LDLRAD4: variants seen among roughly 807,000 people sequenced by gnomAD.
LDLRAD4 encodes the protein low-density lipoprotein receptor class A domain-containing protein 4.
LDLRAD4 carries 5 observed loss-of-function variants against 17.0 expected under a neutral mutation model. The observed-to-expected ratio is 0.29, with a 90% CI of 0.15 to 0.62. The LOEUF (loss-of-function observed/expected upper bound fraction) is 0.62, where lower values mean the gene tolerates loss of function less well. LDLRAD4 is among the 20% of genes least tolerant of loss of function. The pLI is 0.84. For synonymous variants in LDLRAD4, 168 were observed against 171.8 expected, an observed-to-expected ratio of 0.98 and a Z score of 0.17; for missense variants, 340 against 424.7, an observed-to-expected ratio of 0.80 and a Z score of 1.75.
chr18:13,465,389 C>A (rs2092581369), intron 3 of LDLRAD4, among the ~76,000 whole-genome samples: 1 of 152,126 alleles, frequency 6.6e-6, no homozygotes, highest in Non-Finnish European at 1.5e-5. Flanking sequence ...TTTATAACTT[C>A]TTAAAGGCTC....
chr18:13,512,322 G>T (rs1187728057), intron 3 of LDLRAD4, among the ~76,000 whole-genome samples: 1 of 152,134 alleles, frequency 6.6e-6, no homozygotes, highest in Non-Finnish European at 1.5e-5. Flanking sequence ...CATAACTATA[G>T]CCACTCAGTC....
intron 1 of LDLRAD4, among the ~76,000 whole-genome samples, chr18:13,310,183 CAAA>C (rs5823247): frequency 0.2 from 27,148 of 139,130 alleles, 3,120 homozygotes; most frequent in South Asian, 0.3. Context: ...CTGTCTCTAC[CAAA>C]AAAAAAAAAA....
In LDLRAD4 at chr18:13,640,292, C is replaced by CAA. The variant is rs55794457; in HGVS notation, c.337-3050_337-3049dup. Among the ~76,000 whole-genome samples, 12 of 98,444 alleles carry CAA rather than the reference C, an allele frequency of 1.2e-4. 3 individuals carry two copies. Among genetic ancestry groups the CAA allele is most frequent in the Admixed American group, 2.5e-4 (2 of 7,922 alleles). 64.6% of individuals were successfully genotyped at this position (98,444 alleles called of 152,430 possible). On this transcript the variant is annotated intron_variant, in intron 4 of 5. Coordinates refer to ENST00000359446, the Ensembl canonical transcript of LDLRAD4. ...TGGGCAACAGAGCGAGATTCCATCT[C>CAA]AAAAAAAAAAAAAAAAAATGAAATC...
intron 3 of LDLRAD4, among the ~76,000 whole-genome samples, chr18:13,603,935 C>T (rs1453124992): frequency 6.6e-6 from 1 of 152,244 alleles, no homozygotes; most frequent in African/African-American, 2.4e-5. Context: ...AGCCCTGGAG[C>T]TGACATCAAA....
chr18:13,228,545 C>G (rs764409916), intron 1 of LDLRAD4, among the ~76,000 whole-genome samples: 22 of 152,150 alleles, frequency 1.4e-4, no homozygotes, highest in Non-Finnish European at 2.5e-4. Context: ...GTGTGCAGGA[C>G]TTGAGGAAAT....
chr18:13,613,963 T>C (rs2039848797), intron 3 of LDLRAD4: 1 of 152,234 alleles, frequency 6.6e-6, no homozygotes, highest in Non-Finnish European at 1.5e-5. Flanking sequence ...ACCAGGAGGC[T>C]CTTTTCTCAG....
intron 5 of LDLRAD4, among the ~76,000 whole-genome samples, chr18:13,643,943 G>A (rs930436742): frequency 6.6e-5 from 10 of 152,128 alleles, no homozygotes; most frequent in East Asian, 1.9e-4. Context: ...TAAAAGAGCC[G>A]TCTCCTAGAA....
intron 1 of LDLRAD4, among the ~76,000 whole-genome samples, chr18:13,263,281 T>C (rs540672084): frequency 6.6e-6 from 1 of 150,784 alleles, no homozygotes; most frequent in African/African-American, 2.4e-5. Flanking sequence ...CGGCTCTGTG[T>C]GTGGGGGCTG....
At chr18:13,627,352 A>T (rs929318337) in intron 4 of LDLRAD4, among the ~76,000 whole-genome samples, 8 of 152,156 alleles carry the variant, frequency 5.3e-5, no homozygotes, top group African/African-American at 1.9e-4. Flanking sequence ...ATGGGGCCAC[A>T]CCCTGAGGCT....
At chr18:13,328,838 T>C (rs2081679957) in intron 1 of LDLRAD4, among the ~76,000 whole-genome samples, 1 of 152,240 alleles carries the variant, frequency 6.6e-6, no homozygotes, top group Admixed American at 6.5e-5. Context: ...TAGTTGTTTT[T>C]ATTATTTTCT....
At chr18:13,511,382 C>T (rs2093775906) in intron 3 of LDLRAD4, among the ~76,000 whole-genome samples, 1 of 152,096 alleles carries the variant, frequency 6.6e-6, no homozygotes, top group Non-Finnish European at 1.5e-5. Flanking sequence ...CATGGTCTCG[C>T]ACACCTGTAA....
chr18:13,233,984 A>G (rs780047309), intron 1 of LDLRAD4, among the ~76,000 whole-genome samples: 1 of 151,936 alleles, frequency 6.6e-6, no homozygotes, highest in Admixed American at 6.5e-5. Context: ...CACATCTCAG[A>G]CACTTCTTTC....
intron 3 of LDLRAD4, among the ~76,000 whole-genome samples, chr18:13,506,093 A>G (rs2093688318): frequency 6.6e-6 from 1 of 151,866 alleles, no homozygotes; most frequent in African/African-American, 2.4e-5. Context: ...GTTTCCTGGC[A>G]TTGCTTCCTC....
At chr18:13,415,180 C>T (rs978116507) in intron 2 of LDLRAD4, among the ~76,000 whole-genome samples, 3 of 152,298 alleles carry the variant, frequency 2.0e-5, no homozygotes, top group South Asian at 2.1e-4. Context: ...ACACAGGGCC[C>T]TGAGCCCCAG....
intron 1 of LDLRAD4, among the ~76,000 whole-genome samples, chr18:13,263,164 G>A (rs201974930): frequency 1.4e-5 from 2 of 147,558 alleles, no homozygotes; most frequent in South Asian, 2.2e-4. Context: ...CTCTGTGTGC[G>A]TGGGGGCTGA....
At chr18:13,385,275 A>T (rs572249061) in intron 1 of LDLRAD4, among the ~76,000 whole-genome samples, 1 of 152,288 alleles carries the variant, frequency 6.6e-6, no homozygotes, top group African/African-American at 2.4e-5. Flanking sequence ...AGCCATTTGT[A>T]TATCTTCTTT....
intron 1 of LDLRAD4, chr18:13,362,334 T>C (rs2083730644): frequency 6.6e-6 from 1 of 152,240 alleles, no homozygotes; most frequent in African/African-American, 2.4e-5. Context: ...ACTGTTCCAG[T>C]GACCTTATCA....
rs573679467 is a variant in LDLRAD4 at position 13,575,799 on chromosome 18, TG to T, written c.182-45317del. On this transcript the variant is annotated intron_variant, in intron 3 of 5. Transcript: ENST00000359446. ...GTAACGTGGTATTGCATTGTAGTTT[TG>T]ATTTGCATTTCCCAGATCATTAGTG... Among the ~76,000 whole-genome samples the T allele has an allele frequency of 2.1e-3, 325 of 152,376 alleles. 2 individuals are homozygous for T. The highest frequency in any genetic ancestry group is 7.6e-3 in the African/African-American group (317 of 41,592).
At chr18:13,454,708 G>C (rs1163768445) in intron 3 of LDLRAD4, among the ~76,000 whole-genome samples, 1 of 152,254 alleles carries the variant, frequency 6.6e-6, no homozygotes, top group Non-Finnish European at 1.5e-5. Flanking sequence ...ACAGGTCTGG[G>C]CACAGGCACA....
Sources: allele counts gnomAD v4.1 joint callset (sites outside exome capture counted in the v4.1 genomes callset), GRCh38; gene constraint gnomAD v4.1.1; transcripts MANE v1.5; gene names NCBI Gene and HGNC (gene_info 2026-07-23, HGNC 2026-07-21).